RTTN: variants seen among roughly 807,000 people sequenced by gnomAD.
RTTN encodes the protein rotatin.
A neutral mutation model predicts 269.2 loss-of-function variants in RTTN; 182 were observed. The ratio of observed to expected loss-of-function variants is 0.68; its 90% confidence interval spans 0.60 to 0.76. The LOEUF (loss-of-function observed/expected upper bound fraction) is 0.76. Ranked by LOEUF, RTTN falls within the 30% of genes least tolerant of loss-of-function variation. The pLI, the probability that RTTN is intolerant of heterozygous loss-of-function variation, is 0.00. For missense variants in RTTN, 2,545 were observed against 2,608.6 expected (o/e 0.98, Z 0.53); for synonymous variants, 1,006 against 963.5 (o/e 1.04, Z -0.82).
intron 35 of RTTN, 94 bp from the exon 36 acceptor site, chr18:70,060,136 T>C: frequency 8.9e-7 from 1 of 1,128,208 alleles, no homozygotes; most frequent in Non-Finnish European, 1.2e-6. Flanking sequence ...TTCCTGAAAA[T>C]GATAATGTAT....
intron 34 of RTTN, among the ~76,000 whole-genome samples, chr18:70,067,434 C>T (rs1414602205): frequency 1.3e-5 from 2 of 152,230 alleles, no homozygotes; most frequent in African/African-American, 2.4e-5. Flanking sequence ...GCTGGGATTA[C>T]AGGCGTGAGC....
At chr18:70,057,922 C>G (rs1356051482) in intron 36 of RTTN, 90 bp from the exon 37 acceptor site, 1 of 821,894 alleles carries the variant, frequency 1.2e-6, no homozygotes, top group Non-Finnish European at 1.9e-6. Context: ...TTAAAGGTAA[C>G]TCGAATACAA....
chr18:70,119,738 A>G (rs1655305926), intron 26 of RTTN, among the ~76,000 whole-genome samples: 2 of 152,254 alleles, frequency 1.3e-5, no homozygotes, highest in Admixed American at 1.3e-4. Flanking sequence ...TGCATATATA[A>G]GTAACCTTGA....
At chr18:70,158,444 G>C (rs2060740911) in intron 14 of RTTN, among the ~76,000 whole-genome samples, 1 of 152,126 alleles carries the variant, frequency 6.6e-6, no homozygotes, top group Non-Finnish European at 1.5e-5. Flanking sequence ...GTCCTCAATG[G>C]AGTGCTAAAA....
intron 32 of RTTN, among the ~76,000 whole-genome samples, chr18:70,086,398 T>C (rs1331806127): frequency 6.6e-6 from 1 of 152,152 alleles, no homozygotes; most frequent in Non-Finnish European, 1.5e-5. Context: ...AAACATATGT[T>C]AACTATTATT....
intron 30 of RTTN, 46 bp downstream of exon 30, chr18:70,092,064 G>GT: frequency 4.5e-6 from 6 of 1,329,246 alleles, no homozygotes; most frequent in Non-Finnish European, 6.5e-6. Flanking sequence ...CGTGTCATTT[G>GT]TTTTTTAATC....
chr18:70,125,245 C>A (rs2059835482), intron 25 of RTTN, among the ~76,000 whole-genome samples: 1 of 151,928 alleles, frequency 6.6e-6, no homozygotes, highest in Non-Finnish European at 1.5e-5. Context: ...GGGTGGTGTT[C>A]ATTTCGGTAT....
rs10711584 is a variant in RTTN, at chr18:70,174,147, TAAAA to T, written c.1476+2524_1476+2527del. Among the ~76,000 whole-genome samples the T allele has an allele frequency of 7.2e-3, 1,029 of 142,396 alleles. 16 individuals are homozygous for T. The highest frequency in any genetic ancestry group is 0.024 in the African/African-American group (951 of 38,848). The allele number at this position is 142,396 out of a possible 152,430, so 93.4% of individuals were successfully genotyped here. A position where few individuals can be genotyped will look rare whatever the true frequency, so the allele number is the denominator to read the frequency against. On this transcript the variant is annotated intron_variant, in intron 11 of 48. Coordinates refer to ENST00000640769, the MANE Select transcript of RTTN (RefSeq NM_173630.4). ...ACTTTTCTGAATGTATATGAAAGTT[TAAAA>T]AAAAAAAAAAAAGCCTTTACAGAAT...
chr18:70,093,912 T>C (rs2058923529), intron 28 of RTTN, among the ~76,000 whole-genome samples: 1 of 152,220 alleles, frequency 6.6e-6, no homozygotes, highest in South Asian at 2.1e-4. Context: ...AGAATTCGGC[T>C]ATGAATCCCT....
chr18:70,110,399 G>A (rs1444595122), intron 27 of RTTN, among the ~76,000 whole-genome samples: 1 of 152,180 alleles, frequency 6.6e-6, no homozygotes, highest in African/African-American at 2.4e-5. Flanking sequence ...GACAGTGGGT[G>A]CAGGGCACAG....
chr18:70,030,320 T>C (rs750057350), intron 41 of RTTN, among the ~76,000 whole-genome samples: 3 of 152,224 alleles, frequency 2.0e-5, no homozygotes, highest in Non-Finnish European at 4.4e-5. Context: ...TTTAGTAAGA[T>C]ACTACCCAAA....
intron 28 of RTTN, among the ~76,000 whole-genome samples, chr18:70,097,637 T>C (rs1040179446): frequency 3.9e-5 from 6 of 152,230 alleles, no homozygotes; most frequent in African/African-American, 1.4e-4. Context: ...AATCAAATTT[T>C]TTATAACTGC....
intron 46 of RTTN, among the ~76,000 whole-genome samples, chr18:70,014,393 G>C (rs1025369356): frequency 6.6e-6 from 1 of 152,164 alleles, no homozygotes. Context: ...AGATAAGCTG[G>C]TATTTTTATT....
At chr18:70,180,238 T>C (rs1296646009) in intron 10 of RTTN, among the ~76,000 whole-genome samples, 1 of 152,176 alleles carries the variant, frequency 6.6e-6, no homozygotes, top group African/African-American at 2.4e-5. Context: ...CTCATGCCTC[T>C]AATCCCAGCA....
intron 33 of RTTN, among the ~76,000 whole-genome samples, 153 bp from the exon 34 acceptor site, chr18:70,074,147 A>T (rs991944681): frequency 2.0e-5 from 3 of 152,068 alleles, no homozygotes; most frequent in African/African-American, 7.2e-5. Flanking sequence ...TATTTAAAAA[A>T]AAAAAAATCT....
chr18:70,060,772 C>T (rs2057959900), intron 35 of RTTN, among the ~76,000 whole-genome samples: 2 of 152,100 alleles, frequency 1.3e-5, no homozygotes, highest in South Asian at 2.1e-4. Flanking sequence ...ACTCTTTAGC[C>T]TCTGGTAACC....
At chr18:70,124,468 GAGT>G (rs1221356866) in intron 25 of RTTN, among the ~76,000 whole-genome samples, 13 of 152,084 alleles carry the variant, frequency 8.5e-5, no homozygotes, top group Non-Finnish European at 1.0e-4. Context: ...ATACATCACA[GAGT>G]AAGAAGACCC....
Position 70,110,795 on chromosome 18 carries a change from A to G in RTTN, c.3684-1078T>C, listed in dbSNP as rs573580554. ...GGTCCCACTCCCACGGAGCCCAGCA[A>G]ACTAAGATTCACTGGCTTGAAATTC... On this transcript the variant is annotated intron_variant, in intron 27 of 48. Transcript: ENST00000640769. Among the ~76,000 whole-genome samples, 42 of 152,334 alleles carry G rather than the reference A, an allele frequency of 2.8e-4. 2 individuals carry two copies. The South Asian group carries it at 8.7e-3, about 32-fold the overall frequency.
At chr18:70,121,060 A>T (rs963539504) in intron 26 of RTTN, among the ~76,000 whole-genome samples, 11 of 142,718 alleles carry the variant, frequency 7.7e-5, no homozygotes, top group African/African-American at 2.8e-4. Flanking sequence ...CAAAAAAAAT[A>T]AAAAAAAAAA....
Sources: gnomAD v4.1 joint callset for allele counts (sites outside exome capture counted in the v4.1 genomes callset) on GRCh38, gnomAD v4.1.1 for gene constraint, MANE v1.5 for transcripts, NCBI Gene and HGNC (gene_info 2026-07-23, HGNC 2026-07-21) for gene names.